KREMEN1: variants seen among roughly 807,000 people sequenced by gnomAD.
KREMEN1 encodes the protein kringle containing transmembrane protein 1.
KREMEN1 carries 30 observed loss-of-function variants against 46.5 expected under a neutral mutation model. That is an observed-to-expected ratio of 0.65 (90% confidence interval 0.48 to 0.88). The LOEUF is 0.88. Among genes scored for constraint, KREMEN1 ranks in the 40% least tolerant of loss-of-function variants. KREMEN1 has a pLI of 0.00. For synonymous variants in KREMEN1, 214 were observed against 230.6 expected (o/e 0.93, Z 0.65); for missense variants, 533 against 596.9 (o/e 0.89, Z 1.11).
At chr22:29,098,113 G>A (rs1049601333) in intron 2 of KREMEN1, among the ~76,000 whole-genome samples, 1 of 151,798 alleles carries the variant, frequency 6.6e-6, no homozygotes, top group Non-Finnish European at 1.5e-5. Context: ...CCTGGGAGTC[G>A]GAGGTTGCAG....
chr22:29,091,101 G>A (rs562165626), intron 1 of KREMEN1, among the ~76,000 whole-genome samples: 1 of 152,312 alleles, frequency 6.6e-6, no homozygotes, highest in African/African-American at 2.4e-5. Flanking sequence ...AGCTTCCCAA[G>A]TAGCTGGGAT....
At chr22:29,105,687 G>A (rs1289020570) in intron 3 of KREMEN1, among the ~76,000 whole-genome samples, 1 of 152,182 alleles carries the variant, frequency 6.6e-6, no homozygotes, top group Non-Finnish European at 1.5e-5. Context: ...AGGGCTGAGT[G>A]TCTGAGGGAG....
At chr22:29,113,261 C>A (rs1456860569) in intron 3 of KREMEN1, among the ~76,000 whole-genome samples, 1 of 152,326 alleles carries the variant, frequency 6.6e-6, no homozygotes, top group East Asian at 1.9e-4. Flanking sequence ...GGAATAATAT[C>A]ATCTGTCCTG....
Position 29,073,106 on chromosome 22 carries a change from C to T in KREMEN1, c.-25C>T, listed in dbSNP as rs2037495121. 4 of 885,650 alleles carry T rather than the reference C, an allele frequency of 4.5e-6. No individual in the cohort carries two copies. Among genetic ancestry groups the T allele is most frequent in the African/African-American group, 1.8e-5 (1 of 54,460 alleles). The allele number at this position is 885,650 out of a possible 1,614,324, so 54.9% of individuals were successfully genotyped here. A position where few individuals can be genotyped will look rare whatever the true frequency, so the allele number is the denominator to read the frequency against. On this transcript the variant is annotated 5_prime_UTR_variant, in exon 1 of 9. Coordinates refer to ENST00000400335, the MANE Select transcript of KREMEN1 (RefSeq NM_001039570.3). This position sits in a 1 kb window ranked among gnomAD's most constrained non-coding sequence, Gnocchi z 4.4. Reference sequence around the variant, plus strand: ...GCTGCCCCCTTTACCCCGGGCCGCGCCCCGGGGCCCCGCACTGACGGCCCA... The same window carrying T: ...GCTGCCCCCTTTACCCCGGGCCGCGTCCCGGGGCCCCGCACTGACGGCCCA...
intron 1 of KREMEN1, among the ~76,000 whole-genome samples, chr22:29,092,365 G>A (rs1033601193): frequency 1.3e-5 from 2 of 152,160 alleles, no homozygotes; most frequent in Non-Finnish European, 2.9e-5. Context: ...GTACCTCTCT[G>A]GGTTGGTGGC....
At chr22:29,140,661 G>C (rs145075211) in intron 8 of KREMEN1, among the ~76,000 whole-genome samples, 1 of 152,232 alleles carries the variant, frequency 6.6e-6, no homozygotes, top group African/African-American at 2.4e-5. Flanking sequence ...CCCTTACGGA[G>C]ATCTTTATGC....
chr22:29,086,026 GT>G (rs10696373), intron 1 of KREMEN1, among the ~76,000 whole-genome samples: 19 of 142,462 alleles, frequency 1.3e-4, no homozygotes, highest in Middle Eastern at 3.7e-3. Context: ...GGGAGGTGAG[GT>G]TTTTTTTTTT....
intron 6 of KREMEN1, among the ~76,000 whole-genome samples, chr22:29,138,100 C>T (rs1194398494): frequency 1.3e-5 from 2 of 152,232 alleles, no homozygotes; most frequent in Non-Finnish European, 2.9e-5. Flanking sequence ...TGGAGCCACA[C>T]TCTCTGCCTC....
intron 3 of KREMEN1, among the ~76,000 whole-genome samples, chr22:29,115,924 A>G (rs2038232175): frequency 6.6e-6 from 1 of 152,182 alleles, no homozygotes; most frequent in Admixed American, 6.5e-5. Context: ...AAGGGTAGAC[A>G]GGTCATGGTG....
At position 29,142,611 on chromosome 22, in the gene KREMEN1, A is replaced by G. The variant is rs1197127792; in HGVS notation, c.*499A>G. Reference sequence around the variant, plus strand: ...TCAGGTACTCTTGGGAGTTGGTCCCATACAAGTGCGGACTCCTGGACATTA... The same window carrying G: ...TCAGGTACTCTTGGGAGTTGGTCCCGTACAAGTGCGGACTCCTGGACATTA... On this transcript the variant is annotated 3_prime_UTR_variant, in exon 9 of 9. Coordinates refer to ENST00000400335, the MANE Select transcript of KREMEN1 (RefSeq NM_001039570.3). The G allele has an allele frequency of 4.1e-6, 4 of 985,550 alleles. No individual in the cohort carries two copies. The highest frequency in any genetic ancestry group is 4.8e-6 in the Non-Finnish European group (4 of 830,108). The allele number at this position is 985,550 out of a possible 1,614,324, so 61.1% of individuals were successfully genotyped here.
rs992997938 is a variant in KREMEN1, at chr22:29,129,491, G to T, written c.631+4075G>T. Among the ~76,000 whole-genome samples the T allele has an allele frequency of 3.3e-5, 5 of 152,196 alleles. No homozygotes were observed. In the East Asian group the frequency reaches 5.8e-4, roughly 18 times the overall value. On this transcript the variant is annotated intron_variant, in intron 5 of 8. Transcript: ENST00000400335. ...CTGTCCCATGATTTAGGAGGGTGAAGATGTCTCCCTAAAGATATTGGAGAA... is the reference window on the plus strand; with the variant it reads ...CTGTCCCATGATTTAGGAGGGTGAATATGTCTCCCTAAAGATATTGGAGAA...
intron 7 of KREMEN1, among the ~76,000 whole-genome samples, 157 bp from the exon 8 acceptor site, chr22:29,140,125 G>A (rs927697842): frequency 6.6e-6 from 1 of 152,184 alleles, no homozygotes; most frequent in Non-Finnish European, 1.5e-5. Context: ...GCTTAGCCTG[G>A]GTCAGCTGCT....
Position 29,142,261 on chromosome 22 carries a change from A to G in KREMEN1, c.*149A>G. 1 of 1,346,976 alleles carries G rather than the reference A, an allele frequency of 7.4e-7. No individual in the cohort carries two copies. Among genetic ancestry groups the G allele is most frequent in the Non-Finnish European group, 9.5e-7 (1 of 1,054,296 alleles). 83.4% of individuals were successfully genotyped at this position (1,346,976 alleles called of 1,614,324 possible). Reference sequence around the variant, plus strand: ...GGAAACCCTCCTCCTACAGACTAGGAAGAGGCACCCTGCTGCCAGGGCAGG... The same window carrying G: ...GGAAACCCTCCTCCTACAGACTAGGGAGAGGCACCCTGCTGCCAGGGCAGG... On this transcript the variant is annotated 3_prime_UTR_variant, in exon 9 of 9. Coordinates refer to ENST00000400335, the MANE Select transcript of KREMEN1 (RefSeq NM_001039570.3).
At chr22:29,087,356 A>G (rs2037745441) in intron 1 of KREMEN1, among the ~76,000 whole-genome samples, 1 of 152,200 alleles carries the variant, frequency 6.6e-6, no homozygotes, top group African/African-American at 2.4e-5. Context: ...CATAAGCATC[A>G]TATGTAGAGA....
At chr22:29,109,833 ATTAAGTCCAAGATGCAC>A (rs2038116809) in intron 3 of KREMEN1, among the ~76,000 whole-genome samples, 1 of 152,210 alleles carries the variant, frequency 6.6e-6, no homozygotes, top group African/African-American at 2.4e-5. Flanking sequence ...GACAGGAAGG[ATTAAGTCCAAGATGCAC>A]TTAGGAAGAA....
At chr22:29,076,465 A>T (rs2037572189) in intron 1 of KREMEN1, among the ~76,000 whole-genome samples, 1 of 152,134 alleles carries the variant, frequency 6.6e-6, no homozygotes, top group South Asian at 2.1e-4. Flanking sequence ...TTACTTGCAT[A>T]CTCTGAGTAT....
intron 3 of KREMEN1, among the ~76,000 whole-genome samples, chr22:29,101,088 C>A (rs2037967454): frequency 6.6e-6 from 1 of 151,862 alleles, no homozygotes; most frequent in Admixed American, 6.6e-5. Context: ...CCCATCTCTA[C>A]TAAAAATACA....
intron 1 of KREMEN1, among the ~76,000 whole-genome samples, chr22:29,091,157 G>A (rs1055960757): frequency 6.6e-6 from 1 of 152,182 alleles, no homozygotes; most frequent in African/African-American, 2.4e-5. Flanking sequence ...ATTTTTAGTA[G>A]AGACGGCGTT....
At chr22:29,138,893 G>C (rs1417868009) in intron 7 of KREMEN1, 111 bp downstream of exon 7, 7 of 1,475,896 alleles carry the variant, frequency 4.7e-6, no homozygotes, top group Non-Finnish European at 6.6e-6. Flanking sequence ...TCAGAGGCAG[G>C]TTGGGATACT....
Sources: gnomAD v4.1 joint callset for allele counts (sites outside exome capture counted in the v4.1 genomes callset) on GRCh38, gnomAD v4.1.1 for gene constraint, Gnocchi (gnomAD v3.1) non-coding constraint, MANE v1.5 for transcripts, NCBI Gene and HGNC (gene_info 2026-07-23, HGNC 2026-07-21) for gene names.